The following BAIAP2 variants were observed in gnomAD, a reference collection of about 807,000 sequenced individuals.
The protein encoded by BAIAP2 is BAR/IMD domain-containing adapter protein 2.
A neutral mutation model predicts 63.0 loss-of-function variants in BAIAP2; 18 were observed. The ratio of observed to expected loss-of-function variants is 0.29; its 90% CI spans 0.20 to 0.42. The LOEUF is 0.42. Ranked by LOEUF, BAIAP2 falls within the 10% of genes least tolerant of loss-of-function variation. BAIAP2 has a pLI of 1.00. For synonymous variants in BAIAP2, 386 were observed against 307.6 expected (o/e 1.25, Z -2.67); for missense variants, 610 against 734.3 (o/e 0.83, Z 1.96).
chr17:81,063,254 G>A (rs556055924), intron 3 of BAIAP2, among the ~76,000 whole-genome samples: 48 of 152,288 alleles, frequency 3.2e-4, no homozygotes, highest in African/African-American at 1.1e-3. Flanking sequence ...GGAGCCCAGG[G>A]CCTTGTAGAG....
chr17:81,053,392 T>C, intron 1 of BAIAP2: 1 of 478,070 alleles, frequency 2.1e-6, no homozygotes, highest in Non-Finnish European at 3.8e-6. Flanking sequence ...ACCATGCAAA[T>C]GCGCTCCTTC....
At chr17:81,079,961 G>A (rs188606939) in intron 3 of BAIAP2, among the ~76,000 whole-genome samples, 1 of 152,264 alleles carries the variant, frequency 6.6e-6, no homozygotes, top group African/African-American at 2.4e-5. Flanking sequence ...AGATGAGGGA[G>A]CCCGAGAACG....
rs1192915672 is a variant in BAIAP2 at position 81,116,336 on chromosome 17, T to C, written c.*497T>C. On this transcript the variant is annotated 3_prime_UTR_variant, in exon 14 of 14. Transcript: ENST00000428708. The stretch of plus-strand genomic sequence containing the variant: ...CCGTAAGCACGTAATTCCCTGCAGG[T>C]CCGGCAGCTACACCTGGAGTGTGGG... The C allele has an allele frequency of 1.9e-5, 30 of 1,611,780 alleles. No individual in the cohort carries two copies. The highest frequency in any genetic ancestry group is 2.5e-5 in the Non-Finnish European group (29 of 1,179,464).
Position 81,036,757 on chromosome 17 carries a change from C to T in BAIAP2, c.54+1449C>T. ...AGGTTTGGTTTCACAGAGTCTGTGG[C>T]ATACGGTTCTGGCCTTGTTGCTCTG... On this transcript the variant is annotated intron_variant, in intron 1 of 13. Transcript: ENST00000428708. 2.1e-6 allele frequency: 2 copies of T among 953,548 alleles called. 1 individual carries two copies. Among genetic ancestry groups the T allele is most frequent in the South Asian group, 3.0e-5 (2 of 66,346 alleles). The allele number at this position is 953,548 out of a possible 1,614,324, so 59.1% of individuals were successfully genotyped here.
At chr17:81,100,277 A>G (rs1209465464) in intron 7 of BAIAP2, among the ~76,000 whole-genome samples, 197 bp downstream of exon 7, 1 of 152,158 alleles carries the variant, frequency 6.6e-6, no homozygotes, top group Non-Finnish European at 1.5e-5. Context: ...TTGAAGACTC[A>G]CATTAGAAAT....
At chr17:81,059,143 C>T (rs1340731009) in intron 3 of BAIAP2, among the ~76,000 whole-genome samples, 1 of 152,226 alleles carries the variant, frequency 6.6e-6, no homozygotes, top group Non-Finnish European at 1.5e-5. Flanking sequence ...CACGCCCCCA[C>T]AGGCTGCTGC....
chr17:81,098,536 A>G (rs1313698207), intron 6 of BAIAP2, among the ~76,000 whole-genome samples: 1 of 152,110 alleles, frequency 6.6e-6, no homozygotes, highest in African/African-American at 2.4e-5. Flanking sequence ...TGCGATCACC[A>G]CCACCATCCA....
At chr17:81,093,366 C>T (rs2057118980) in intron 6 of BAIAP2, among the ~76,000 whole-genome samples, 1 of 152,044 alleles carries the variant, frequency 6.6e-6, no homozygotes. Flanking sequence ...CACTCACCAC[C>T]TCCTGGGGCT....
intron 3 of BAIAP2, among the ~76,000 whole-genome samples, chr17:81,067,674 G>C (rs141096176): frequency 2.6e-5 from 4 of 152,354 alleles, no homozygotes; most frequent in African/African-American, 9.6e-5. Flanking sequence ...AAGAGGCTCT[G>C]AGGCCCGGCC....
chr17:81,043,213 A>C (rs2047329295), intron 1 of BAIAP2, among the ~76,000 whole-genome samples: 1 of 152,164 alleles, frequency 6.6e-6, no homozygotes, highest in Non-Finnish European at 1.5e-5. Context: ...CCGAGATGCC[A>C]CCACCTGAAA....
intron 3 of BAIAP2, chr17:81,083,075 A>G (rs2054910853): frequency 6.6e-6 from 1 of 152,278 alleles, no homozygotes; most frequent in Non-Finnish European, 1.5e-5. Context: ...CCTCTGCCAG[A>G]CTCAGCTGTG....
intron 3 of BAIAP2, among the ~76,000 whole-genome samples, chr17:81,066,720 T>A (rs2051531473): frequency 6.6e-6 from 1 of 152,194 alleles, no homozygotes; most frequent in Non-Finnish European, 1.5e-5. Context: ...GGAAGCACCA[T>A]CTCATGTCAC....
At chr17:81,051,171 G>A (rs1374099962) in intron 1 of BAIAP2, among the ~76,000 whole-genome samples, 1 of 151,980 alleles carries the variant, frequency 6.6e-6, no homozygotes, top group African/African-American at 2.4e-5. Flanking sequence ...TAACGCTGCT[G>A]TGCTCCAGCA....
intron 6 of BAIAP2, among the ~76,000 whole-genome samples, chr17:81,089,070 C>T (rs12601557): frequency 2.6e-5 from 4 of 152,224 alleles, no homozygotes; most frequent in African/African-American, 7.2e-5. Context: ...GCTGCTCTGC[C>T]GTGGGCCCCG....
At chr17:81,085,802 C>A in intron 5 of BAIAP2, 77 bp downstream of exon 5, 2 of 1,161,024 alleles carry the variant, frequency 1.7e-6, no homozygotes, top group South Asian at 2.6e-5. Flanking sequence ...ACTCCTTCCT[C>A]GGCCTGAAGG....
intron 13 of BAIAP2, chr17:81,109,179 C>T (rs564953394): frequency 1.1e-4 from 152 of 1,415,498 alleles, no homozygotes; most frequent in Non-Finnish European, 1.4e-4. Context: ...TGGTGCTGCT[C>T]CATCCGCCCC....
chr17:81,074,933 C>T (rs535582007), intron 3 of BAIAP2, among the ~76,000 whole-genome samples: 2 of 152,340 alleles, frequency 1.3e-5, no homozygotes, highest in African/African-American at 4.8e-5. Context: ...CAACTTCTCT[C>T]CAGGTTGGAA....
Position 81,084,814 on chromosome 17 carries a change from T to C in BAIAP2, c.218-18T>C. ...GCACCTGACTCCCTCCCCTTCCTTCTGCTGTTCTGCTTCCCAGGAGACGTT... is the reference window on the plus strand; with the variant it reads ...GCACCTGACTCCCTCCCCTTCCTTCCGCTGTTCTGCTTCCCAGGAGACGTT... On this transcript the variant is annotated intron_variant, in intron 3 of 13. Transcript: ENST00000428708. The C allele has an allele frequency of 1.2e-6, 2 of 1,613,070 alleles. No homozygotes were observed. The highest frequency in any genetic ancestry group is 1.1e-5 in the South Asian group (1 of 91,082).
chr17:81,084,536 C>G (rs1486970043), intron 3 of BAIAP2, among the ~76,000 whole-genome samples: 1 of 152,160 alleles, frequency 6.6e-6, no homozygotes, highest in Admixed American at 6.5e-5. Flanking sequence ...ACTGTCACGC[C>G]TGGGGTGAAG....
Sources: allele counts gnomAD v4.1 joint callset (sites outside exome capture counted in the v4.1 genomes callset), GRCh38; gene constraint gnomAD v4.1.1; transcripts MANE v1.5; gene names NCBI Gene and HGNC (gene_info 2026-07-23, HGNC 2026-07-21).